The following MIPOL1 variants were observed in gnomAD, a reference collection of about 807,000 sequenced individuals.
The protein encoded by MIPOL1 is mirror-image polydactyly gene 1 protein.
A neutral mutation model predicts 60.9 loss-of-function variants in MIPOL1; 57 were observed. That is an observed-to-expected ratio of 0.94 (90% CI 0.76 to 1.17). The LOEUF is 1.17. MIPOL1 is among the 50% of genes most tolerant of loss of function. MIPOL1 has a pLI of 0.00. For synonymous variants in MIPOL1, 179 were observed against 168.8 expected (o/e 1.06, Z -0.47); for missense variants, 551 against 511.6 (o/e 1.08, Z -0.74).
chr14:37,418,132 G>T (rs150600588), intron 10 of MIPOL1, among the ~76,000 whole-genome samples: 1 of 152,036 alleles, frequency 6.6e-6, no homozygotes, highest in Non-Finnish European at 1.5e-5. Flanking sequence ...TCCATTCATG[G>T]TCTTGGAGTT....
At chr14:37,350,710 C>T (rs906297444) in intron 9 of MIPOL1, among the ~76,000 whole-genome samples, 1 of 152,076 alleles carries the variant, frequency 6.6e-6, no homozygotes, top group African/African-American at 2.4e-5. Flanking sequence ...TTAACCATCC[C>T]ACTTCCCTCC....
At chr14:37,214,149 TGTAATA>T (rs1210074165) in intron 1 of MIPOL1, among the ~76,000 whole-genome samples, 2 of 152,170 alleles carry the variant, frequency 1.3e-5, no homozygotes. Flanking sequence ...AAAACTCACT[TGTAATA>T]GTAGACAGAA....
chr14:37,407,845 C>CTTTTTTTTTTTTTTTTTT (rs35133543), intron 10 of MIPOL1, among the ~76,000 whole-genome samples: 1 of 88,796 alleles, frequency 1.1e-5, no homozygotes, highest in Non-Finnish European at 1.9e-5. Flanking sequence ...TCTTCTTCTT[C>CTTTTTTTTTTTTTTTTTT]TTTTTTTTTT....
At chr14:37,507,964 C>T (rs901782959) in intron 12 of MIPOL1, among the ~76,000 whole-genome samples, 5 of 152,056 alleles carry the variant, frequency 3.3e-5, no homozygotes, top group South Asian at 2.1e-4. Flanking sequence ...GAAGTATTAT[C>T]GGGTTTTCCT....
chr14:37,319,552 C>A (rs1167742934), intron 9 of MIPOL1, among the ~76,000 whole-genome samples: 1 of 151,810 alleles, frequency 6.6e-6, no homozygotes, highest in African/African-American at 2.4e-5. Flanking sequence ...TCTGAGGAGA[C>A]CAATGATTAT....
At chr14:37,419,958 C>G (rs1327827438) in intron 10 of MIPOL1, among the ~76,000 whole-genome samples, 1 of 151,976 alleles carries the variant, frequency 6.6e-6, no homozygotes, top group Non-Finnish European at 1.5e-5. Flanking sequence ...CCAGGCTGAT[C>G]TCAACCTCCT....
At chr14:37,425,501 G>A (rs958229440) in intron 11 of MIPOL1, among the ~76,000 whole-genome samples, 1 of 151,994 alleles carries the variant, frequency 6.6e-6, no homozygotes, top group Non-Finnish European at 1.5e-5. Flanking sequence ...AAAATTTATG[G>A]TGATGTAATA....
intron 10 of MIPOL1, among the ~76,000 whole-genome samples, chr14:37,386,380 A>G (rs2153515384): frequency 6.6e-6 from 1 of 152,152 alleles, no homozygotes; most frequent in Non-Finnish European, 1.5e-5. Context: ...TTACAGTAGC[A>G]GACATTTCCA....
chr14:37,211,249 C>T (rs557121335), intron 1 of MIPOL1, among the ~76,000 whole-genome samples: 41 of 127,296 alleles, frequency 3.2e-4, no homozygotes, highest in South Asian at 5.4e-4. Flanking sequence ...AACACTTTCA[C>T]GAGAGCCAAA....
At chr14:37,337,225 A>C (rs926341176) in intron 9 of MIPOL1, among the ~76,000 whole-genome samples, 2 of 149,638 alleles carry the variant, frequency 1.3e-5, no homozygotes, top group East Asian at 3.9e-4. Context: ...TTTGTCAGCT[A>C]TCTTACTGAT....
At chr14:37,436,520 A>C (rs1595768815) in intron 11 of MIPOL1, among the ~76,000 whole-genome samples, 1 of 152,338 alleles carries the variant, frequency 6.6e-6, no homozygotes, top group East Asian at 1.9e-4. Flanking sequence ...TTGTTCAGGA[A>C]CATTCTGATT....
At chr14:37,448,233 T>A (rs1555346207) in intron 11 of MIPOL1, among the ~76,000 whole-genome samples, 1 of 152,206 alleles carries the variant, frequency 6.6e-6, no homozygotes. Context: ...AATCTTCCTT[T>A]AAAGGGAGTC....
intron 12 of MIPOL1, among the ~76,000 whole-genome samples, chr14:37,535,639 A>G (rs1174237329): frequency 6.6e-6 from 1 of 152,232 alleles, no homozygotes; most frequent in African/African-American, 2.4e-5. Flanking sequence ...TTTATAATCC[A>G]TCCCTACAGA....
intron 8 of MIPOL1, 64 bp downstream of exon 8, chr14:37,308,153 T>C (rs2086950893): frequency 6.8e-7 from 1 of 1,474,514 alleles, no homozygotes; most frequent in African/African-American, 1.4e-5. Flanking sequence ...TAAGTTCAAT[T>C]GAGTGGGTTT....
At chr14:37,203,642 G>T (rs1270915242) in intron 1 of MIPOL1, among the ~76,000 whole-genome samples, 2 of 151,864 alleles carry the variant, frequency 1.3e-5, no homozygotes, top group African/African-American at 4.8e-5. Context: ...CTTTTTGCTG[G>T]CACTCTGTTG....
chr14:37,511,672 A>G (rs1190210932), intron 12 of MIPOL1, among the ~76,000 whole-genome samples: 5 of 152,182 alleles, frequency 3.3e-5, no homozygotes, highest in Admixed American at 6.5e-5. Flanking sequence ...TTAAAAATAC[A>G]TTTTGCTATA....
intron 11 of MIPOL1, among the ~76,000 whole-genome samples, chr14:37,485,478 A>T (rs1307888819): frequency 1.3e-5 from 2 of 152,254 alleles, no homozygotes; most frequent in African/African-American, 4.8e-5. Context: ...ATTTCTCCAC[A>T]TCCTCTCCAG....
At chr14:37,313,791 T>C (rs993267275) in intron 9 of MIPOL1, among the ~76,000 whole-genome samples, 1 of 152,198 alleles carries the variant, frequency 6.6e-6, no homozygotes, top group African/African-American at 2.4e-5. Flanking sequence ...CAGGCTTGAT[T>C]ATAATTAGTT....
At chr14:37,441,259 A>ATGT (rs905670930) in intron 11 of MIPOL1, among the ~76,000 whole-genome samples, 6 of 151,932 alleles carry the variant, frequency 3.9e-5, no homozygotes, top group African/African-American at 1.2e-4. Context: ...CCATTTGTCT[A>ATGT]TGTTGTTGTT....
Sources: gnomAD v4.1 joint callset for allele counts (sites outside exome capture counted in the v4.1 genomes callset) on GRCh38, gnomAD v4.1.1 for gene constraint, MANE v1.5 for transcripts, NCBI Gene and HGNC (gene_info 2026-07-23, HGNC 2026-07-21) for gene names.